Variants in ITPKB observed in about 807,000 individuals in gnomAD.
ITPKB encodes the protein inositol-trisphosphate 3-kinase B, also known as IP3 3-kinase B.
Under a neutral mutation model 69.4 loss-of-function variants are expected in ITPKB, and 13 were observed. The observed-to-expected ratio is 0.19, with a 90% CI of 0.12 to 0.30. ITPKB has a LOEUF of 0.30. Ranked by LOEUF, ITPKB falls within the 10% of genes least tolerant of loss-of-function variation. The pLI is 1.00. For synonymous variants in ITPKB, 584 were observed against 513.7 expected, an observed-to-expected ratio of 1.14 and a Z score of -1.85; for missense variants, 1,240 against 1,250.5, an observed-to-expected ratio of 0.99 and a Z score of 0.13.
intron 2 of ITPKB, among the ~76,000 whole-genome samples, chr1:226,672,961 C>G (rs1669647490): frequency 6.6e-6 from 1 of 152,216 alleles, no homozygotes; most frequent in Non-Finnish European, 1.5e-5. Context: ...AAAGCAAAAA[C>G]CTGCCACACT....
In ITPKB at chr1:226,634,817, C is replaced by T; in HGVS notation, c.2695G>A (p.Gly899Arg). 6.2e-7 allele frequency: 1 copy of T among 1,613,674 alleles called. No individual in the cohort carries two copies. Among genetic ancestry groups the T allele is most frequent in the Non-Finnish European group, 8.5e-7 (1 of 1,179,556 alleles). Residue 899 changes from glycine to arginine, a missense_variant, in exon 8 of 8, where the codon GGG becomes AGG. Physicochemically the swap from Gly to Arg is moderately radical, Grantham distance 125. Around this residue, in one of 2 missense-constraint regions of ITPKB, gnomAD observed 248 missense variants for 396.7 expected, o/e 0.63. Coordinates refer to ENST00000429204, the MANE Select transcript of ITPKB (RefSeq NM_002221.4). The surrounding 1 kb of genome is among the most constrained non-coding windows in gnomAD (Gnocchi z 6.3). ...EQAKVWMIDF[G>R]KTTPLPEGQT... ...CCCTCAGGCAGGGGCGTGGTTTTCC[C>T]AAAGTCGATCATCCACACTTTGGCC...
intron 2 of ITPKB, among the ~76,000 whole-genome samples, chr1:226,714,474 T>C (rs1224074132): frequency 2.0e-5 from 3 of 152,224 alleles, no homozygotes; most frequent in African/African-American, 7.2e-5. Context: ...GAAGAGCTGC[T>C]GTAACCCTGG....
intron 2 of ITPKB, among the ~76,000 whole-genome samples, chr1:226,712,531 C>T (rs1176241810): frequency 6.6e-6 from 1 of 152,164 alleles, no homozygotes; most frequent in African/African-American, 2.4e-5. Context: ...ATGCAACATG[C>T]CCATTTTACA....
rs1669335846 is a variant in ITPKB at position 226,658,343 on chromosome 1, GC to G, written c.1933-9573del. Among the ~76,000 whole-genome samples the G allele has an allele frequency of 2.6e-5, 4 of 152,182 alleles. No individual in the cohort carries two copies. The South Asian group carries it at 8.3e-4, about 32-fold the overall frequency. On this transcript the variant is annotated intron_variant, in intron 2 of 7. Coordinates refer to ENST00000429204, the MANE Select transcript of ITPKB (RefSeq NM_002221.4). Reference sequence around the variant, plus strand: ...TGGGTACAAGCCCAGGCAGGTAGGGGCCCCTGGCTCAATAGCTCCCTCCTGT... The same window carrying G: ...TGGGTACAAGCCCAGGCAGGTAGGGGCCCTGGCTCAATAGCTCCCTCCTGT...
At chr1:226,679,799 C>G (rs1256825277) in intron 2 of ITPKB, among the ~76,000 whole-genome samples, 1 of 152,160 alleles carries the variant, frequency 6.6e-6, no homozygotes, top group African/African-American at 2.4e-5. Context: ...TAAAACTCAA[C>G]TTAAAGGTTA....
At chr1:226,703,722 C>A (rs751189267) in intron 2 of ITPKB, among the ~76,000 whole-genome samples, 1 of 152,244 alleles carries the variant, frequency 6.6e-6, no homozygotes, top group Non-Finnish European at 1.5e-5. Context: ...TGCGCTCCCC[C>A]AGGCGGGAAA....
intron 2 of ITPKB, among the ~76,000 whole-genome samples, chr1:226,665,836 C>A (rs973465072): frequency 1.3e-5 from 2 of 152,190 alleles, no homozygotes; most frequent in Admixed American, 6.5e-5. Context: ...GCAGCCACGG[C>A]CCAGCCCAGG....
intron 7 of ITPKB, among the ~76,000 whole-genome samples, chr1:226,636,408 C>A (rs1462533602): frequency 1.3e-5 from 2 of 152,212 alleles, no homozygotes; most frequent in Admixed American, 1.3e-4. Context: ...ACCCCCTCCT[C>A]GCAGCCATCC....
intron 2 of ITPKB, among the ~76,000 whole-genome samples, chr1:226,653,916 G>T (rs1260208724): frequency 6.6e-6 from 1 of 152,206 alleles, no homozygotes; most frequent in Admixed American, 6.5e-5. Flanking sequence ...CAGGCAGGGT[G>T]GGCAGTGCCT....
At position 226,632,492 on chromosome 1, in the gene ITPKB, C is replaced by G. The variant is rs1668747674; in HGVS notation, c.*2179G>C. ...GAGACAGAGTAGGTGTAGAAGAGAA[C>G]TAGCACGGTAAATACAAAAAAAGAG... On this transcript the variant is annotated 3_prime_UTR_variant, in exon 8 of 8. Transcript: ENST00000429204. The G allele has an allele frequency of 6.6e-6, 1 of 151,278 alleles. No individual in the cohort carries two copies. The highest frequency in any genetic ancestry group is 1.5e-5 in the Non-Finnish European group (1 of 67,810). 9.4% of individuals were successfully genotyped at this position (151,278 alleles called of 1,614,324 possible). A position where few individuals can be genotyped will look rare whatever the true frequency, so the allele number is the denominator to read the frequency against.
At position 226,721,517 on chromosome 1, in the gene ITPKB, C is replaced by T. The variant is rs145015477; in HGVS notation, c.1932+14010G>A. The stretch of plus-strand genomic sequence containing the variant: ...GAACTATTTTCTTTTTTTTTTGAGA[C>T]GGGGTTTCGCTCTTATTGCACAGGC... On this transcript the variant is annotated intron_variant, in intron 2 of 7. Transcript: ENST00000429204. Among the ~76,000 whole-genome samples, 815 of 151,248 alleles carry T rather than the reference C, an allele frequency of 5.4e-3. 9 individuals are homozygous for T. The highest frequency in any genetic ancestry group is 0.018 in the African/African-American group (755 of 41,240).
intron 2 of ITPKB, among the ~76,000 whole-genome samples, chr1:226,649,347 ATG>A (rs769955456): frequency 1.1e-4 from 10 of 90,046 alleles, no homozygotes; most frequent in South Asian, 9.3e-4. Flanking sequence ...ATGTGTGCAT[ATG>A]TGATATATGT....
intron 2 of ITPKB, among the ~76,000 whole-genome samples, chr1:226,650,451 C>T (rs1389404858): frequency 6.6e-6 from 1 of 152,204 alleles, no homozygotes; most frequent in Non-Finnish European, 1.5e-5. Context: ...TGGAGATCGC[C>T]AAAGAAGGCT....
At chr1:226,732,980 G>A (rs368856263) in intron 2 of ITPKB, among the ~76,000 whole-genome samples, 2 of 152,206 alleles carry the variant, frequency 1.3e-5, no homozygotes, top group East Asian at 1.9e-4. Flanking sequence ...CAGGAGGCCC[G>A]AAAGGCTTAA....
At chr1:226,698,567 C>T (rs543722545) in intron 2 of ITPKB, among the ~76,000 whole-genome samples, 13 of 152,320 alleles carry the variant, frequency 8.5e-5, no homozygotes, top group African/African-American at 3.1e-4. Context: ...ATGAATGAGG[C>T]GTTGCTAAGT....
At chr1:226,644,324 A>T (rs1039558805) in intron 4 of ITPKB, among the ~76,000 whole-genome samples, 1 of 152,204 alleles carries the variant, frequency 6.6e-6, no homozygotes, top group Non-Finnish European at 1.5e-5. Context: ...GCTCCAAGCC[A>T]TGCAGGGAAG....
chr1:226,736,088 G>A lies in ITPKB; in HGVS notation c.1371C>T (p.Pro457=), dbSNP rs765028529. 1 of 1,610,054 alleles carries A rather than the reference G, an allele frequency of 6.2e-7. No individual in the cohort carries two copies. The highest frequency in any genetic ancestry group is 1.3e-5 in the African/African-American group (1 of 74,894). The change falls in exon 2 of 8, where the codon CCC becomes CCT. Residue 457 remains proline, a synonymous_variant. Transcript: ENST00000429204. ...SPTLGLLGGS[P]SAQPGTGNVE... ...CATTCCCGGTCCCCGGCTGTGCTGA[G>A]GGGCTGCCCCCAAGCAAGCCCAGCG... is the stretch of plus-strand genomic sequence containing the variant.
At chr1:226,698,186 C>T (rs966820434) in intron 2 of ITPKB, among the ~76,000 whole-genome samples, 1 of 152,198 alleles carries the variant, frequency 6.6e-6, no homozygotes, top group Admixed American at 6.5e-5. Context: ...CTTTTGTTTC[C>T]ACAGCACCTA....
At chr1:226,635,574 C>A (rs1305601702) in intron 7 of ITPKB, among the ~76,000 whole-genome samples, 1 of 152,190 alleles carries the variant, frequency 6.6e-6, no homozygotes, top group Non-Finnish European at 1.5e-5. Flanking sequence ...GGGCCTCGCC[C>A]TTCCGCCTCC....
Sources: allele counts gnomAD v4.1 joint callset (sites outside exome capture counted in the v4.1 genomes callset), GRCh38; gene constraint gnomAD v4.1.1; regional missense constraint gnomAD v4.1.1; non-coding constraint Gnocchi (gnomAD v3.1); transcripts MANE v1.5; gene names NCBI Gene and HGNC (gene_info 2026-07-23, HGNC 2026-07-21).